Variants in MBNL2 observed in about 807,000 individuals in gnomAD.
MBNL2 encodes muscleblind like splicing regulator 2.
Under a neutral mutation model 41.9 loss-of-function variants are expected in MBNL2, and 17 were observed. The observed-to-expected ratio is 0.41, with a 90% CI of 0.28 to 0.61. The LOEUF is 0.61. MBNL2 is among the 20% of genes least tolerant of loss of function. The pLI is 0.35. For missense variants in MBNL2, 336 were observed against 505.6 expected, an observed-to-expected ratio of 0.66 and a Z score of 3.22; for synonymous variants, 195 against 182.9, an observed-to-expected ratio of 1.07 and a Z score of -0.53.
chr13:97,244,375 CA>C (rs2044996295), intron 1 of MBNL2, among the ~76,000 whole-genome samples: 1 of 152,144 alleles, frequency 6.6e-6, no homozygotes, highest in African/African-American at 2.4e-5. Context: ...GAAACCAGGC[CA>C]GTGTCTCGTT....
intron 3 of MBNL2, among the ~76,000 whole-genome samples, chr13:97,335,551 G>T (rs2060808252): frequency 6.6e-6 from 1 of 152,094 alleles, no homozygotes; most frequent in South Asian, 2.1e-4. Context: ...CCAGGCTTCT[G>T]TACAGAGTAG....
At position 97,385,538 on chromosome 13, in the gene MBNL2, T is replaced by G. The variant is rs183192305; in HGVS notation, c.1049-5784T>G. On this transcript the variant is annotated intron_variant, in intron 8 of 8. Transcript: ENST00000679496. Reference sequence around the variant, plus strand: ...TGGCATTTTCACTGGAATGTTTTCCTATCAATTAAGCAGAGCAGGAACAGT... The same window carrying G: ...TGGCATTTTCACTGGAATGTTTTCCGATCAATTAAGCAGAGCAGGAACAGT... Among the ~76,000 whole-genome samples the G allele has an allele frequency of 1.2e-3, 190 of 152,332 alleles. 1 individual carries two copies. The highest frequency in any genetic ancestry group is 0.011 in the Admixed American group (168 of 15,292).
chr13:97,295,176 G>T (rs1217095552), intron 2 of MBNL2, among the ~76,000 whole-genome samples: 1 of 152,126 alleles, frequency 6.6e-6, no homozygotes, highest in Non-Finnish European at 1.5e-5. Context: ...TAAAGAACAG[G>T]GCCAATGAAT....
At chr13:97,336,664 A>G (rs1270874225) in intron 3 of MBNL2, among the ~76,000 whole-genome samples, 1 of 152,160 alleles carries the variant, frequency 6.6e-6, no homozygotes, top group African/African-American at 2.4e-5. Context: ...CTCTGGAGGG[A>G]GGGCAGTCCT....
chr13:97,381,093 CTCTT>C (rs1228003626), intron 8 of MBNL2, among the ~76,000 whole-genome samples: 2 of 148,052 alleles, frequency 1.4e-5, no homozygotes, highest in African/African-American at 2.6e-5. Context: ...CTCTGTCCCT[CTCTT>C]TCTCTCTCCC....
the MBNL2 span, among the ~76,000 whole-genome samples, chr13:97,168,063 T>A: frequency 6.6e-6 from 1 of 152,150 alleles, no homozygotes; most frequent in Admixed American, 6.5e-5. Context: ...CCTCCCAGTT[T>A]CACGTGATTC....
At chr13:97,212,390 C>T in the MBNL2 span, among the ~76,000 whole-genome samples, 1 of 152,086 alleles carries the variant, frequency 6.6e-6, no homozygotes, top group Admixed American at 6.5e-5. Flanking sequence ...GCCACAGCTA[C>T]CCCCACAGTA....
At chr13:97,290,664 C>A (rs1173798802) in intron 2 of MBNL2, among the ~76,000 whole-genome samples, 1 of 129,272 alleles carries the variant, frequency 7.7e-6, no homozygotes, top group Admixed American at 8.8e-5. Flanking sequence ...GCCTGGGCGA[C>A]AGAGCGAGAC....
rs142661931 is a variant in MBNL2, at chr13:97,273,980, G to A, written c.-604-1652G>A. Among the ~76,000 whole-genome samples, 952 of 152,118 alleles carry A rather than the reference G, an allele frequency of 6.3e-3. 8 individuals carry two copies. The highest frequency in any genetic ancestry group is 0.022 in the African/African-American group (906 of 41,484). On this transcript the variant is annotated intron_variant, in intron 1 of 8. Coordinates refer to ENST00000679496, the MANE Select transcript of MBNL2 (RefSeq NM_001382683.1). ...GGAAGCTGAGGCAGGAGAATCACTT[G>A]AACTCAGGAGGCAGAGGTTGCAGTG...
chr13:97,378,575 G>A (rs1391622073), intron 8 of MBNL2, among the ~76,000 whole-genome samples: 1 of 151,960 alleles, frequency 6.6e-6, no homozygotes, highest in East Asian at 1.9e-4. Context: ...AGAGAAATTC[G>A]GTTTATACTT....
chr13:97,218,440 C>CAAAACAACAAA (rs55815508), upstream of MBNL2, among the ~76,000 whole-genome samples: 6 of 117,974 alleles, frequency 5.1e-5, no homozygotes, highest in African/African-American at 1.0e-4. Flanking sequence ...CAAAACAAAA[C>CAAAACAACAAA]AAAAAAAAAA....
Position 97,310,439 on chromosome 13 carries a change from C to CT in MBNL2, c.175-23829dup, listed in dbSNP as rs550667470. On this transcript the variant is annotated intron_variant, in intron 2 of 8. Transcript: ENST00000679496. The stretch of plus-strand genomic sequence containing the variant: ...ATTTCTTTTTTTTTTTCTTTTTTTT[C>CT]TTTTTTTTGAGACGGAGTCTCACTC... Among the ~76,000 whole-genome samples, 1,200 of 124,248 alleles carry CT rather than the reference C, an allele frequency of 9.7e-3. 12 individuals are homozygous for CT. Among genetic ancestry groups the CT allele is most frequent in the African/African-American group, 0.033 (1,105 of 33,478 alleles). 81.5% of individuals were successfully genotyped at this position (124,248 alleles called of 152,430 possible).
At chr13:97,377,367 T>A (rs1317599253) in intron 8 of MBNL2, among the ~76,000 whole-genome samples, 3 of 152,144 alleles carry the variant, frequency 2.0e-5, no homozygotes, top group Non-Finnish European at 4.4e-5. Context: ...TAAAACTCAG[T>A]CTCCTAATAT....
At chr13:97,201,015 T>A in the MBNL2 span, among the ~76,000 whole-genome samples, 1 of 152,044 alleles carries the variant, frequency 6.6e-6, no homozygotes, top group Non-Finnish European at 1.5e-5. Flanking sequence ...CAGACCCTCT[T>A]CTCCCTCTGA....
chr13:97,189,828 A>G, the MBNL2 span, among the ~76,000 whole-genome samples: 1 of 152,218 alleles, frequency 6.6e-6, no homozygotes, highest in African/African-American at 2.4e-5. Context: ...AATTTTAACC[A>G]ATTTTCAGCA....
intron 1 of MBNL2, among the ~76,000 whole-genome samples, chr13:97,225,872 G>A (rs959743969): frequency 8.5e-5 from 13 of 152,254 alleles, no homozygotes; most frequent in African/African-American, 2.4e-4. Context: ...TCAACTGGAT[G>A]AGCATGGATG....
At chr13:97,158,905 A>G in the MBNL2 span, among the ~76,000 whole-genome samples, 3,292 of 151,278 alleles carry the variant, frequency 0.022, 107 homozygotes, top group African/African-American at 0.076. Flanking sequence ...GTAGATGTCT[A>G]TTAGGTCCAC....
At chr13:97,310,821 AAATC>A (rs1209114806) in intron 2 of MBNL2, among the ~76,000 whole-genome samples, 1 of 151,448 alleles carries the variant, frequency 6.6e-6, no homozygotes, top group African/African-American at 2.4e-5. Context: ...ACTAAGTAGA[AAATC>A]AACCCAAAGG....
chr13:97,187,999 G>T, the MBNL2 span, among the ~76,000 whole-genome samples: 1 of 152,032 alleles, frequency 6.6e-6, no homozygotes, highest in Admixed American at 6.6e-5. Context: ...AGAGAAATCT[G>T]CTGGGAAATA....
Sources: allele counts gnomAD v4.1 joint callset (sites outside exome capture counted in the v4.1 genomes callset), GRCh38; gene constraint gnomAD v4.1.1; transcripts MANE v1.5; gene names NCBI Gene and HGNC (gene_info 2026-07-23, HGNC 2026-07-21).